Variants in ELAPOR1 observed in about 807,000 individuals in gnomAD.
ELAPOR1 encodes the protein endosome/lysosome-associated apoptosis and autophagy regulator 1.
ELAPOR1 carries 77 observed loss-of-function variants against 119.7 expected under a neutral mutation model. The observed-to-expected ratio is 0.64, with a 90% confidence interval of 0.54 to 0.78. The LOEUF (loss-of-function observed/expected upper bound fraction) is 0.78. ELAPOR1 is among the 30% of genes least tolerant of loss of function. The pLI is 0.00. For synonymous variants in ELAPOR1, 481 were observed against 487.2 expected, an observed-to-expected ratio of 0.99 and a Z score of 0.17; for missense variants, 1,115 against 1,270.4, an observed-to-expected ratio of 0.88 and a Z score of 1.86.
intron 2 of ELAPOR1, among the ~76,000 whole-genome samples, chr1:109,163,431 G>A (rs1310802792): frequency 6.6e-6 from 1 of 152,164 alleles, no homozygotes; most frequent in South Asian, 2.1e-4. Context: ...GTCTCACTCT[G>A]TTTCCTAGGC....
intron 1 of ELAPOR1, among the ~76,000 whole-genome samples, chr1:109,140,570 C>A (rs530446130): frequency 6.6e-6 from 1 of 152,204 alleles, no homozygotes; most frequent in South Asian, 2.1e-4. Context: ...GGAGGCTCCT[C>A]TAGATAAGAA....
intron 7 of ELAPOR1, among the ~76,000 whole-genome samples, chr1:109,184,790 G>A (rs1173509287): frequency 1.3e-5 from 2 of 152,226 alleles, no homozygotes; most frequent in South Asian, 2.1e-4. Context: ...CCCATGGGGC[G>A]GGGGACGGGA....
chr1:109,196,001 C>G (rs145549277), intron 15 of ELAPOR1, among the ~76,000 whole-genome samples: 1 of 152,082 alleles, frequency 6.6e-6, no homozygotes, highest in African/African-American at 2.4e-5. Flanking sequence ...ACTAAAAATA[C>G]AAAAATTAGC....
At position 109,192,756 on chromosome 1, in the gene ELAPOR1, A is replaced by T. The variant is rs767946645; in HGVS notation, c.1829A>T (p.Tyr610Phe). Residue 610 changes from tyrosine (Y) to phenylalanine (F), a missense_variant, in exon 14 of 22, where the codon TAT (tyrosine) becomes TTT (phenylalanine). By Grantham distance (22) the Tyr-to-Phe change is conservative. Coordinates refer to ENST00000369939, the MANE Select transcript of ELAPOR1 (RefSeq NM_020775.5). ...TGCACCTCTTGTCCTGCTGGTTACT[A>T]TATTGACCGAGATTCAGGAACCTGC... The part of the protein sequence containing the change: ...SSCTSCPAGY[Y>F]IDRDSGTCHS... 1.1e-5 allele frequency: 17 copies of T among 1,613,832 alleles called. No individual in the cohort carries two copies. The highest frequency in any genetic ancestry group is 1.4e-5 in the Non-Finnish European group (16 of 1,179,984).
At chr1:109,143,586 A>G (rs1649965781) in intron 1 of ELAPOR1, among the ~76,000 whole-genome samples, 1 of 152,220 alleles carries the variant, frequency 6.6e-6, no homozygotes, top group African/African-American at 2.4e-5. Flanking sequence ...CCTAAATTGT[A>G]TAATTTAAAT....
chr1:109,142,236 G>C (rs1020324891), intron 1 of ELAPOR1, among the ~76,000 whole-genome samples: 2 of 152,176 alleles, frequency 1.3e-5, no homozygotes, highest in African/African-American at 4.8e-5. Flanking sequence ...AAACAAAAAA[G>C]AGTTGAACTG....
At chr1:109,154,393 A>G (rs1428092972) in intron 1 of ELAPOR1, among the ~76,000 whole-genome samples, 1 of 152,176 alleles carries the variant, frequency 6.6e-6, no homozygotes, top group East Asian at 1.9e-4. Context: ...GGAATCTTAG[A>G]AGTTGTCTAA....
intron 1 of ELAPOR1, among the ~76,000 whole-genome samples, chr1:109,121,588 CT>C (rs1199165561): frequency 6.6e-6 from 1 of 152,094 alleles, no homozygotes; most frequent in East Asian, 1.9e-4. Flanking sequence ...TAGAGTTTCC[CT>C]TTACATTCAG....
chr1:109,171,454 A>G (rs1406648682), intron 3 of ELAPOR1, among the ~76,000 whole-genome samples: 1 of 151,972 alleles, frequency 6.6e-6, no homozygotes, highest in Non-Finnish European at 1.5e-5. Context: ...CGGGAGGCTG[A>G]GACAGGAGAA....
intron 1 of ELAPOR1, among the ~76,000 whole-genome samples, chr1:109,146,856 C>T (rs1356732351): frequency 6.6e-6 from 1 of 152,040 alleles, no homozygotes. Context: ...CTTCCTGCCT[C>T]AGCCTCTCAG....
rs900300961 is a variant in ELAPOR1 at position 109,192,834 on chromosome 1, A to G, written c.1907A>G (p.Gln636Arg). ...AAAGCCCACCAGCCTTATGGTGTCC[A>G]GGCCTGTGTGCCCTGTGGTCCAGGG... is the stretch of plus-strand genomic sequence containing the variant. ...ILKAHQPYGV[Q>R]ACVPCGPGTK... The change falls in exon 14 of 22, where the codon CAG (glutamine) becomes CGG (arginine). Residue 636 changes from glutamine (Q) to arginine (R), a missense_variant. Physicochemically the swap from Gln to Arg is conservative, Grantham distance 43. Transcript: ENST00000369939. The G allele has an allele frequency of 6.2e-7, 1 of 1,614,078 alleles. No homozygotes were observed. The highest frequency in any genetic ancestry group is 1.7e-5 in the Admixed American group (1 of 60,002).
intron 14 of ELAPOR1, 110 bp from the exon 15 acceptor site, chr1:109,194,311 C>G (rs1653637693): frequency 5.5e-6 from 5 of 907,164 alleles, no homozygotes; most frequent in Non-Finnish European, 8.5e-6. Flanking sequence ...TCTTCCTCCT[C>G]TTGACCCCAT....
chr1:109,184,744 C>G (rs1258311489), intron 7 of ELAPOR1, among the ~76,000 whole-genome samples: 1 of 152,230 alleles, frequency 6.6e-6, no homozygotes, highest in East Asian at 1.9e-4. Flanking sequence ...ACCCTCCTTG[C>G]TGGTCCTTTG....
At chr1:109,118,344 G>C (rs1648160822) in intron 1 of ELAPOR1, among the ~76,000 whole-genome samples, 1 of 152,194 alleles carries the variant, frequency 6.6e-6, no homozygotes, top group Non-Finnish European at 1.5e-5. Flanking sequence ...GTGCAATAGT[G>C]TGAGATACAA....
intron 1 of ELAPOR1, among the ~76,000 whole-genome samples, chr1:109,151,601 T>C (rs1650533948): frequency 6.6e-6 from 1 of 152,204 alleles, no homozygotes; most frequent in African/African-American, 2.4e-5. Context: ...AATTCTGACA[T>C]TTCTCCATGG....
intron 21 of ELAPOR1, 89 bp from the exon 22 acceptor site, chr1:109,202,855 T>G (rs1654264258): frequency 2.0e-5 from 24 of 1,205,336 alleles, no homozygotes; most frequent in Non-Finnish European, 2.8e-5. Flanking sequence ...TCATAAGGGT[T>G]CCTTCTGTCA....
intron 5 of ELAPOR1, 34 bp from the exon 6 acceptor site, chr1:109,173,440 G>A (rs1652048118): frequency 5.1e-6 from 8 of 1,575,162 alleles, no homozygotes; most frequent in Non-Finnish European, 7.0e-6. Flanking sequence ...ATTTTTCTCT[G>A]TGATGAATGA....
rs1651983876 is a variant in ELAPOR1, at chr1:109,172,505, C to G, written c.633C>G (p.Cys211Trp). The stretch of plus-strand genomic sequence containing the variant: ...TATGTCAGGTTCAGAATGACCAGTG[C>G]CAGCCCAATGCAGATGACTCCAGGT... ...IFEFFVQNDQCQPNADDSRWM... is the reference protein window; with the variant it reads ...IFEFFVQNDQWQPNADDSRWM... Residue 211 changes from cysteine (C) to tryptophan (W), a missense_variant, in exon 5 of 22, where the codon TGC becomes TGG. Physicochemically the swap from Cys to Trp is radical, Grantham distance 215. Transcript: ENST00000369939. 1.9e-6 allele frequency: 3 copies of G among 1,613,502 alleles called. No homozygotes were observed. In the East Asian group the frequency reaches 6.7e-5, roughly 36 times the overall value.
At chr1:109,149,798 A>G (rs546061033) in intron 1 of ELAPOR1, among the ~76,000 whole-genome samples, 35 of 152,336 alleles carry the variant, frequency 2.3e-4, no homozygotes, top group Admixed American at 9.8e-4. Flanking sequence ...ATGGAAAAAA[A>G]TTCAAAGTCA....
Sources: allele counts gnomAD v4.1 joint callset (sites outside exome capture counted in the v4.1 genomes callset), GRCh38; gene constraint gnomAD v4.1.1; transcripts MANE v1.5; gene names NCBI Gene and HGNC (gene_info 2026-07-23, HGNC 2026-07-21).